NF1: variants seen among roughly 807,000 people sequenced by gnomAD.
The protein encoded by NF1 is neurofibromin.
Under a neutral mutation model 325.7 loss-of-function variants are expected in NF1, and 122 were observed. That is an observed-to-expected ratio of 0.37 (90% CI 0.32 to 0.44). The LOEUF (loss-of-function observed/expected upper bound fraction) is 0.44. Ranked by LOEUF, NF1 falls within the 20% of genes least tolerant of loss-of-function variation. The probability of loss-of-function intolerance (pLI) is 1.00; values close to 1 mark genes in which losing one functional copy is unlikely to be tolerated. For missense variants in NF1, 2,140 were observed against 3,415.4 expected (o/e 0.63, Z 9.31); for synonymous variants, 1,091 against 1,186.0 (o/e 0.92, Z 1.65).
chr17:31,334,719 G>A (rs1272267969), intron 39 of NF1, 119 bp from the exon 40 acceptor site: 1 of 771,978 alleles, frequency 1.3e-6, no homozygotes, highest in Admixed American at 2.1e-5. Flanking sequence ...TTTTCTCCAG[G>A]CCTGATTCTA....
At chr17:31,284,505 G>C (rs950677992) in intron 36 of NF1, among the ~76,000 whole-genome samples, 1 of 151,698 alleles carries the variant, frequency 6.6e-6, no homozygotes, top group African/African-American at 2.4e-5. Context: ...GGCTGGTCTT[G>C]AGCTCCTGAC....
In NF1 at chr17:31,263,075, A is replaced by AGG. The variant is rs2067715942; in HGVS notation, c.4724+1218_4724+1219insGG. On this transcript the variant is annotated intron_variant, in intron 35 of 57. Coordinates refer to ENST00000358273, the MANE Select transcript of NF1 (RefSeq NM_001042492.3). ...GGTAGGTAGGTAGGTAGGTAGATAGATAGGTAGGTAGGTAGGTAGGTAGGT... is the reference window on the plus strand; with the variant it reads ...GGTAGGTAGGTAGGTAGGTAGATAGAGGTAGGTAGGTAGGTAGGTAGGTAGGT... Among the ~76,000 whole-genome samples the AGG allele has an allele frequency of 7.1e-5, 10 of 140,644 alleles. No individual in the cohort carries two copies. In the South Asian group the frequency reaches 8.9e-4, roughly 13 times the overall value. The allele number at this position is 140,644 out of a possible 152,430, so 92.3% of individuals were successfully genotyped here.
chr17:31,297,996 G>GT (rs894592949), intron 36 of NF1, among the ~76,000 whole-genome samples: 9 of 151,876 alleles, frequency 5.9e-5, no homozygotes, highest in Non-Finnish European at 1.0e-4. Flanking sequence ...TGGAGTTAAA[G>GT]TTTTTTTTCT....
chr17:31,365,397 T>A (rs1231611269), intron 57 of NF1, among the ~76,000 whole-genome samples: 3 of 152,038 alleles, frequency 2.0e-5, no homozygotes, highest in African/African-American at 7.2e-5. Flanking sequence ...AGAGGAGAAT[T>A]GTTGTAAGTT....
At chr17:31,130,875 G>T (rs962167399) in intron 1 of NF1, among the ~76,000 whole-genome samples, 1 of 152,186 alleles carries the variant, frequency 6.6e-6, no homozygotes, top group African/African-American at 2.4e-5. Flanking sequence ...AGCAGCCTTC[G>T]GTGGGAGGAG....
At chr17:31,173,718 G>C (rs1463639363) in intron 5 of NF1, among the ~76,000 whole-genome samples, 1 of 152,146 alleles carries the variant, frequency 6.6e-6, no homozygotes, top group Non-Finnish European at 1.5e-5. Context: ...GGGAAGGAAA[G>C]GTTGATGGCA....
intron 42 of NF1, 73 bp from the exon 43 acceptor site, chr17:31,337,295 A>C: frequency 7.8e-7 from 1 of 1,275,882 alleles, no homozygotes. Flanking sequence ...TCTAAATTCA[A>C]AATGAAACAT....
chr17:31,309,710 G>A (rs1260897100), intron 36 of NF1, among the ~76,000 whole-genome samples: 2 of 152,150 alleles, frequency 1.3e-5, no homozygotes, highest in African/African-American at 4.8e-5. Flanking sequence ...CATTAGAGAA[G>A]GACAGGGCCC....
intron 1 of NF1, among the ~76,000 whole-genome samples, chr17:31,140,495 CTG>C (rs975204334): frequency 6.6e-6 from 1 of 152,164 alleles, no homozygotes; most frequent in African/African-American, 2.4e-5. Flanking sequence ...CGTGTCAACT[CTG>C]TAATAAAACA....
At chr17:31,114,301 G>T (rs1913697397) in intron 1 of NF1, among the ~76,000 whole-genome samples, 1 of 152,118 alleles carries the variant, frequency 6.6e-6, no homozygotes. Flanking sequence ...GGCTTTGGGA[G>T]GCTGAGGCGG....
In NF1 at chr17:31,338,804, A is replaced by G. The variant is rs765418194; in HGVS notation, c.6920A>G (p.Lys2307Arg). ...ACCAAATTACAGCCACTTCTTAATA[A>G]GGTAATTACTGTATAGAAAATGAGT... is the stretch of plus-strand genomic sequence containing the variant. ...ALTKLQPLLN[K>R]DSPLHKALFW... The change falls in exon 46 of 58, where the codon AAG becomes AGG. Residue 2307 changes from lysine to arginine, a missense_variant and splice_region_variant. Coordinates refer to ENST00000358273, the MANE Select transcript of NF1 (RefSeq NM_001042492.3). The G allele has an allele frequency of 6.3e-7, 1 of 1,588,308 alleles. No homozygotes were observed.
intron 36 of NF1, chr17:31,296,704 G>T: frequency 8.1e-6 from 2 of 247,722 alleles, no homozygotes; most frequent in Non-Finnish European, 1.6e-5. Flanking sequence ...TACTATTTTT[G>T]ATGATATGCT....
At chr17:31,343,586 A>G (rs2069887061) in intron 48 of NF1, among the ~76,000 whole-genome samples, 1 of 152,110 alleles carries the variant, frequency 6.6e-6, no homozygotes, top group South Asian at 2.1e-4. Flanking sequence ...TGTCTTAATG[A>G]GTTGTGTTTT....
At chr17:31,331,721 T>G (rs1311685478) in intron 39 of NF1, 2 of 151,474 alleles carry the variant, frequency 1.3e-5, no homozygotes, top group Non-Finnish European at 2.9e-5. Flanking sequence ...ATGTTCTGCC[T>G]GTATTTAAGA....
At chr17:31,327,928 C>G in intron 38 of NF1, 89 bp downstream of exon 38, 1 of 1,236,086 alleles carries the variant, frequency 8.1e-7, no homozygotes, top group Non-Finnish European at 1.2e-6. Flanking sequence ...CAGCCTCTAC[C>G]TTAATATTGT....
rs1567611231 is a variant in NF1, at chr17:31,325,864, T to A, written c.4880T>A (p.Val1627Asp). The change falls in exon 37 of 58, where the codon GTC becomes GAC. Residue 1627 changes from valine to aspartate, a missense_variant. Physicochemically the swap from Val to Asp is radical, Grantham distance 152 (BLOSUM62 -3). This residue lies in a region of NF1 where 103 missense variants were observed against 214.6 expected (regional missense o/e 0.48). Coordinates refer to ENST00000358273, the MANE Select transcript of NF1 (RefSeq NM_001042492.3). ...AATGGTGATTTGCTGATATACCATG[T>A]CTTACTGACTTTAAAGCCATATTAT... is the stretch of plus-strand genomic sequence containing the variant. ...QINGDLLIYH[V>D]LLTLKPYYAK... 1 of 1,614,214 alleles carries A rather than the reference T, an allele frequency of 6.2e-7. No homozygotes were observed. Among genetic ancestry groups the A allele is most frequent in the Non-Finnish European group, 8.5e-7 (1 of 1,180,022 alleles).
intron 39 of NF1, among the ~76,000 whole-genome samples, chr17:31,333,575 A>C (rs2069561693): frequency 6.6e-6 from 1 of 152,218 alleles, no homozygotes; most frequent in South Asian, 2.1e-4. Context: ...GACATTATTT[A>C]TAATAGCAAA....
intron 12 of NF1, among the ~76,000 whole-genome samples, chr17:31,207,063 T>C (rs557771905): frequency 6.6e-6 from 1 of 152,314 alleles, no homozygotes; most frequent in African/African-American, 2.4e-5. Context: ...AAGAGTATTA[T>C]ACAAGAGCAA....
At position 31,206,401 on chromosome 17, in the gene NF1, C is replaced by T. The variant is rs765530065; in HGVS notation, c.1392+30C>T. ...GATAAATCACGAATTTTGAATCTCACCTCCTTTCTATTGCATTTTTTTTAG... is the reference window on the plus strand; with the variant it reads ...GATAAATCACGAATTTTGAATCTCATCTCCTTTCTATTGCATTTTTTTTAG... On this transcript the variant is annotated intron_variant, in intron 12 of 57. Coordinates refer to ENST00000358273, the MANE Select transcript of NF1 (RefSeq NM_001042492.3). 3.7e-6 allele frequency: 6 copies of T among 1,600,354 alleles called. No homozygotes were observed. In the Admixed American group the frequency reaches 1.0e-4, roughly 27 times the overall value.
Sources: allele counts gnomAD v4.1 joint callset (sites outside exome capture counted in the v4.1 genomes callset), GRCh38; gene constraint gnomAD v4.1.1; regional missense constraint gnomAD v4.1.1; transcripts MANE v1.5; gene names NCBI Gene and HGNC (gene_info 2026-07-23, HGNC 2026-07-21).